Variants in IL20RA observed in about 807,000 individuals in gnomAD.
The protein encoded by IL20RA is interleukin-20 receptor subunit alpha.
In IL20RA, 29 loss-of-function variants were observed where a neutral mutation model predicts 36.5. That is an observed-to-expected ratio of 0.79 (90% confidence interval 0.59 to 1.08). The LOEUF is 1.08. IL20RA is among the 50% of genes least tolerant of loss of function. The probability of loss-of-function intolerance (pLI) is 0.00; values close to 1 mark genes in which losing one functional copy is unlikely to be tolerated. For synonymous variants in IL20RA, 279 were observed against 267.1 expected (o/e 1.04, Z -0.43); for missense variants, 652 against 668.4 (o/e 0.98, Z 0.27).
rs545932087 is a variant in IL20RA at position 137,035,780 on chromosome 6, C to T, written c.88+8861G>A. ...GCTGCATGTGATATTCTACTTTGCA[C>T]TTAAAATTGATAAGCTAATTTTAAA... is the stretch of plus-strand genomic sequence containing the variant. On this transcript the variant is annotated intron_variant, in intron 1 of 6. Coordinates refer to ENST00000316649, the MANE Select transcript of IL20RA (RefSeq NM_014432.4). 2.7e-3 allele frequency among the ~76,000 whole-genome samples: 417 copies of T among 152,286 alleles called. 9 individuals carry two copies. Among genetic ancestry groups the T allele is most frequent in the Non-Finnish European group, 7.1e-4 (48 of 68,036 alleles).
chr6:137,010,284 C>T (rs1018531941), intron 3 of IL20RA, among the ~76,000 whole-genome samples: 13 of 152,200 alleles, frequency 8.5e-5, no homozygotes, highest in Non-Finnish European at 1.5e-4. Context: ...TGCACTACTC[C>T]ACTCTTGCTG....
chr6:137,025,305 C>G (rs1242494187), intron 1 of IL20RA, among the ~76,000 whole-genome samples: 1 of 152,104 alleles, frequency 6.6e-6, no homozygotes, highest in Non-Finnish European at 1.5e-5. Context: ...AAAAGAGGCC[C>G]CAGAGAGGTC....
chr6:137,004,184 T>TGTTTTTTTTTTTGAGACAGAGCC (rs1775193219), intron 6 of IL20RA, among the ~76,000 whole-genome samples: 4 of 91,576 alleles, frequency 4.4e-5, no homozygotes, highest in Admixed American at 1.5e-4. Flanking sequence ...TTTTTTTTTT[T>TGTTTTTTTTTTTGAGACAGAGCC]TGAGACAGAG....
chr6:137,004,841 A>C (rs1021938845), intron 5 of IL20RA, 81 bp from the exon 6 acceptor site: 2 of 1,299,974 alleles, frequency 1.5e-6, no homozygotes, highest in Middle Eastern at 2.7e-4. Context: ...AAAACCTCGT[A>C]TCGTTAAGCT....
intron 1 of IL20RA, among the ~76,000 whole-genome samples, chr6:137,021,716 C>T (rs1562236739): frequency 6.6e-6 from 1 of 152,114 alleles, no homozygotes; most frequent in East Asian, 1.9e-4. Context: ...GGCTAAGAGG[C>T]TCTGTTTTAA....
rs145875422 is a variant in IL20RA, at chr6:137,023,066, A to T, written c.89-5963T>A. On this transcript the variant is annotated intron_variant, in intron 1 of 6. Transcript: ENST00000316649. The stretch of plus-strand genomic sequence containing the variant: ...ACAGTGCCTACCATGTGGATATCTT[A>T]TGGTGAATAGACAGGTAAGTTCCTG... Among the ~76,000 whole-genome samples the T allele has an allele frequency of 1.6e-3, 247 of 152,346 alleles. 1 individual carries two copies. The highest frequency in any genetic ancestry group is 5.8e-3 in the African/African-American group (241 of 41,594).
chr6:137,044,862 C>G lies in IL20RA; in HGVS notation c.-134G>C. ...TGCCACGCTCCAGGCGACCTGAGTC[C>G]CAGGGCGCCTCCGCCACAGCCGCGT... On this transcript the variant is annotated 5_prime_UTR_variant, in exon 1 of 7. Transcript: ENST00000316649. The G allele has an allele frequency of 1.2e-6, 1 of 826,172 alleles. No homozygotes were observed. Among genetic ancestry groups the G allele is most frequent in the South Asian group, 6.2e-5 (1 of 16,098 alleles). The allele number at this position is 826,172 out of a possible 1,614,324, so 51.2% of individuals were successfully genotyped here.
rs1469416582 is a variant in IL20RA at position 137,001,790 on chromosome 6, G to A, written c.1430C>T (p.Thr477Met). The A allele has an allele frequency of 3.1e-6, 5 of 1,612,968 alleles. No individual in the cohort carries two copies. Among genetic ancestry groups the A allele is most frequent in the East Asian group, 2.2e-5 (1 of 44,864 alleles). ...TTGGGGATCCCAGTCGACCAGGGTC[G>A]TCGATGGCTCTTCCTCCGGCCCCTC... The part of the protein sequence containing the change: ...SEEGPEEEPS[T>M]TLVDWDPQTG... Residue 477 changes from threonine (T) to methionine (M), a missense_variant, in exon 7 of 7, where the codon ACG (threonine) becomes ATG (methionine). Coordinates refer to ENST00000316649, the MANE Select transcript of IL20RA (RefSeq NM_014432.4).
In IL20RA at chr6:137,004,931, C is replaced by T. The variant is rs377442345; in HGVS notation, c.725-171G>A. Among the ~76,000 whole-genome samples the T allele has an allele frequency of 9.2e-5, 14 of 152,278 alleles. No homozygotes were observed. The South Asian group carries it at 1.0e-3, about 11-fold the overall frequency. On this transcript the variant is annotated intron_variant, in intron 5 of 6. Transcript: ENST00000316649. ...AGAAGCTTAAGCTAAATGTTATAAGCGGTCTCAGAATTCTTACTCTCCCTG... is the reference window on the plus strand; with the variant it reads ...AGAAGCTTAAGCTAAATGTTATAAGTGGTCTCAGAATTCTTACTCTCCCTG...
At chr6:137,021,814 T>C (rs1210799244) in intron 1 of IL20RA, among the ~76,000 whole-genome samples, 2 of 38,852 alleles carry the variant, frequency 5.1e-5, no homozygotes, top group Non-Finnish European at 1.8e-3. Flanking sequence ...ATAAAAATAG[T>C]CGCTAATACT....
chr6:137,038,698 T>C (rs1267667466), intron 1 of IL20RA, among the ~76,000 whole-genome samples: 2 of 152,206 alleles, frequency 1.3e-5, no homozygotes, highest in Non-Finnish European at 2.9e-5. Context: ...ATAAAATATA[T>C]GCTGCCTGAA....
At chr6:137,020,238 G>A (rs12110902) in intron 1 of IL20RA, among the ~76,000 whole-genome samples, 4,635 of 152,226 alleles carry the variant, frequency 0.03, 86 homozygotes, top group African/African-American at 0.036. Context: ...TCTTAGAAGT[G>A]GATCCTCCGA....
chr6:137,009,956 G>C (rs1775428150), intron 3 of IL20RA, among the ~76,000 whole-genome samples: 1 of 152,154 alleles, frequency 6.6e-6, no homozygotes, highest in Non-Finnish European at 1.5e-5. Flanking sequence ...AGGTGGGCCT[G>C]AGATATGCCA....
intron 2 of IL20RA, among the ~76,000 whole-genome samples, chr6:137,014,464 T>C (rs1775604526): frequency 6.6e-6 from 1 of 152,114 alleles, no homozygotes; most frequent in South Asian, 2.1e-4. Context: ...TTAATAAAAG[T>C]AGTCAATTCA....
chr6:137,030,599 C>T (rs1371951645), intron 1 of IL20RA, among the ~76,000 whole-genome samples: 1 of 152,120 alleles, frequency 6.6e-6, no homozygotes, highest in African/African-American at 2.4e-5. Flanking sequence ...ATTTAATTTA[C>T]ACTTGCACAT....
rs111385674 is a variant in IL20RA at position 137,010,287 on chromosome 6, T to C, written c.404-795A>G. On this transcript the variant is annotated intron_variant, in intron 3 of 6. Transcript: ENST00000316649. ...TATGATCTTTGTTGCACTACTCCAC[T>C]CTTGCTGTATTGCGAAAGCAATCTA... is the stretch of plus-strand genomic sequence containing the variant. Among the ~76,000 whole-genome samples, 794 of 152,334 alleles carry C rather than the reference T, an allele frequency of 5.2e-3. 4 individuals are homozygous for C. Among genetic ancestry groups the C allele is most frequent in the Non-Finnish European group, 9.2e-3 (624 of 68,022 alleles).
chr6:137,023,262 A>C (rs1775970378), intron 1 of IL20RA, among the ~76,000 whole-genome samples: 1 of 36,314 alleles, frequency 2.8e-5, no homozygotes, highest in Non-Finnish European at 6.3e-4. Flanking sequence ...GCAGTGTTCT[A>C]GGCACTGAGA....
At chr6:137,028,102 CG>C (rs997612769) in intron 1 of IL20RA, among the ~76,000 whole-genome samples, 33 of 152,084 alleles carry the variant, frequency 2.2e-4, no homozygotes, top group Non-Finnish European at 4.0e-4. Context: ...ATGATAGGCA[CG>C]GGGGTACAGT....
At chr6:137,037,464 T>C (rs1776528880) in intron 1 of IL20RA, among the ~76,000 whole-genome samples, 1 of 152,104 alleles carries the variant, frequency 6.6e-6, no homozygotes, top group Admixed American at 6.5e-5. Flanking sequence ...AGAAACAAAA[T>C]CACCTCCAGA....
Sources: allele counts gnomAD v4.1 joint callset (sites outside exome capture counted in the v4.1 genomes callset), GRCh38; gene constraint gnomAD v4.1.1; transcripts MANE v1.5; gene names NCBI Gene and HGNC (gene_info 2026-07-23, HGNC 2026-07-21).